FN1: variants seen among roughly 807,000 people sequenced by gnomAD.
FN1 encodes fibronectin 1, also known as fibronectin.
In FN1, 106 loss-of-function variants were observed where a neutral mutation model predicts 297.3. That is an observed-to-expected ratio of 0.36 (90% CI 0.30 to 0.42). The LOEUF (loss-of-function observed/expected upper bound fraction) is 0.42. Among genes scored for constraint, FN1 ranks in the 10% least tolerant of loss-of-function variants. The pLI, the probability that FN1 is intolerant of heterozygous loss-of-function variation, is 1.00. For missense variants in FN1, 2,690 were observed against 3,124.9 expected, an observed-to-expected ratio of 0.86 and a Z score of 3.32; for synonymous variants, 1,149 against 1,152.6, an observed-to-expected ratio of 1.00 and a Z score of 0.06.
At chr2:215,401,965 A>G (rs1383850056) in intron 20 of FN1, among the ~76,000 whole-genome samples, 1 of 151,758 alleles carries the variant, frequency 6.6e-6, no homozygotes, top group African/African-American at 2.4e-5. Flanking sequence ...CATGACTGGG[A>G]TGGGTGACCC....
chr2:215,398,176 T>C (rs892234350), intron 21 of FN1, among the ~76,000 whole-genome samples: 2 of 152,244 alleles, frequency 1.3e-5, no homozygotes, highest in Non-Finnish European at 2.9e-5. Flanking sequence ...TTCATTTCTA[T>C]TTTTCTGTGT....
intron 27 of FN1, among the ~76,000 whole-genome samples, chr2:215,387,208 T>G (rs1215086497): frequency 1.3e-5 from 2 of 152,180 alleles, no homozygotes; most frequent in Non-Finnish European, 2.9e-5. Flanking sequence ...TGCTAAGTAA[T>G]TCAAGCAGAT....
intron 12 of FN1, among the ~76,000 whole-genome samples, chr2:215,416,570 C>T (rs1373248188): frequency 6.6e-6 from 1 of 152,126 alleles, no homozygotes; most frequent in South Asian, 2.1e-4. Context: ...TGGCATAGGG[C>T]TATTTAAATA....
At position 215,384,101 on chromosome 2, in the gene FN1, A is replaced by C; in HGVS notation, c.4813T>G (p.Tyr1605Asp). The part of the protein sequence containing the change: ...TISGLKPGVD[Y>D]TITVYAVTGR... ...GTGACAGCATACACAGTGATGGTAT[A>C]ATCAACTCCAGGTTTAAGGCCGCTG... Residue 1605 changes from tyrosine (Y) to aspartate (D), a missense_variant, in exon 30 of 46, where the codon TAT becomes GAT. Tyr to Asp is a radical substitution (Grantham distance 160). Coordinates refer to ENST00000354785, the MANE Select transcript of FN1 (RefSeq NM_212482.4). 6.2e-7 allele frequency: 1 copy of C among 1,614,170 alleles called. No individual in the cohort carries two copies. Among genetic ancestry groups the C allele is most frequent in the Non-Finnish European group, 8.5e-7 (1 of 1,180,020 alleles).
chr2:215,407,372 G>A, intron 17 of FN1, 51 bp from the exon 18 acceptor site: 1 of 1,431,650 alleles, frequency 7.0e-7, no homozygotes, highest in Non-Finnish European at 9.9e-7. Flanking sequence ...TGAGACAGAG[G>A]CTTAGAAACA....
chr2:215,363,465 C>T (rs2053930422), intron 44 of FN1: 1 of 152,202 alleles, frequency 6.6e-6, no homozygotes, highest in African/African-American at 2.4e-5. Flanking sequence ...TTGGGAGCAC[C>T]TCCCTCCCCA....
At position 215,378,211 on chromosome 2, in the gene FN1, T is replaced by TGAC; in HGVS notation, c.5673_5674insGTC (p.Thr1891_Ser1892insVal). 6.2e-7 allele frequency: 1 copy of TGAC among 1,612,450 alleles called. No homozygotes were observed. ...GTGACAACTCCCTGAGCTGGTCTGC[T>TGAC]TGTCAAAGTGTCCTTAAGAGCATAG... On this transcript the variant is annotated inframe_insertion, in exon 35 of 46. Transcript: ENST00000354785.
chr2:215,375,250 G>A lies in FN1; in HGVS notation c.6121C>T (p.Arg2041Trp), dbSNP rs376754454. The A allele has an allele frequency of 4.7e-5, 76 of 1,614,004 alleles. No individual in the cohort carries two copies. Among genetic ancestry groups the A allele is most frequent in the Admixed American group, 6.7e-5 (4 of 59,994 alleles). Reference protein sequence around the residue: ...PGSPPREVVPRPRPGVTEATI... With the variant: ...PGSPPREVVPWPRPGVTEATI... ...GCCTCTGTGACACCAGGGCGGGGCC[G>A]AGGGACCACTTCTCTGGGAGGAGAC... is the stretch of plus-strand genomic sequence containing the variant. The change falls in exon 38 of 46, where the codon CGG (arginine) becomes TGG (tryptophan). Residue 2041 changes from arginine (R) to tryptophan (W), a missense_variant. Physicochemically the swap from Arg to Trp is moderately radical, Grantham distance 101 (BLOSUM62 -3). Coordinates refer to ENST00000354785, the MANE Select transcript of FN1 (RefSeq NM_212482.4).
intron 41 of FN1, among the ~76,000 whole-genome samples, chr2:215,369,212 C>CT (rs2055308944): frequency 1.8e-5 from 2 of 108,844 alleles, no homozygotes; most frequent in South Asian, 5.1e-4. Context: ...GAGATGGAAT[C>CT]TTTAAAAAAA....
In FN1 at chr2:215,408,049, C is replaced by A. The variant is rs1429077722; in HGVS notation, c.2518+59G>T. On this transcript the variant is annotated intron_variant, in intron 17 of 45. Transcript: ENST00000354785. ...CAGGTCCGCAGTCAGAATCTGCGCC[C>A]TCCCTGCTGATGTCATTAAGATTAA... 5 of 1,344,606 alleles carry A rather than the reference C, an allele frequency of 3.7e-6. No homozygotes were observed. The South Asian group carries it at 4.7e-5, about 13-fold the overall frequency. The allele number at this position is 1,344,606 out of a possible 1,614,324, so 83.3% of individuals were successfully genotyped here.
chr2:215,429,431 G>A (rs982497389), intron 5 of FN1, among the ~76,000 whole-genome samples: 5 of 152,154 alleles, frequency 3.3e-5, no homozygotes, highest in African/African-American at 1.2e-4. Flanking sequence ...TAGAGGATCT[G>A]ATGTCTTTGT....
At chr2:215,361,713 G>T in intron 45 of FN1, 87 bp from the exon 46 acceptor site, 1 of 1,089,424 alleles carries the variant, frequency 9.2e-7, no homozygotes, top group Non-Finnish European at 1.4e-6. Context: ...GGGGACTCAT[G>T]ACAGCTGCTT....
chr2:215,431,697 A>G, intron 4 of FN1, 136 bp downstream of exon 4: 1 of 923,264 alleles, frequency 1.1e-6, no homozygotes, highest in Non-Finnish European at 1.8e-6. Context: ...ATAATTCATT[A>G]TTTCAAACAA....
intron 20 of FN1, among the ~76,000 whole-genome samples, chr2:215,401,155 ATAAG>A (rs1434686458): frequency 8.5e-6 from 1 of 118,284 alleles, no homozygotes; most frequent in Non-Finnish European, 1.9e-5. Context: ...AGCACCAAAA[ATAAG>A]AAAGAAAGAA....
At chr2:215,428,710 G>C (rs1471188618) in intron 5 of FN1, among the ~76,000 whole-genome samples, 1 of 152,014 alleles carries the variant, frequency 6.6e-6, no homozygotes, top group African/African-American at 2.4e-5. Flanking sequence ...CTTTCAATAG[G>C]GACCTTGCTT....
At position 215,386,939 on chromosome 2, in the gene FN1, GC is replaced by G; in HGVS notation, c.4361del (p.Gly1454AlafsTer78). On this transcript the variant is annotated frameshift_variant, in exon 28 of 46. Transcript: ENST00000354785. LOFTEE classifies it high-confidence loss of function. The part of the protein sequence containing the change: ...RQKTGLDSPT[G>X]IDFSDITANS... ...TGGCAGTAATATCAGAAAAGTCAAT[GC>G]CAGTTGGGGAATCAAGACCTGTTTT... The G allele has an allele frequency of 6.2e-7, 1 of 1,612,092 alleles. No homozygotes were observed. The highest frequency in any genetic ancestry group is 8.5e-7 in the Non-Finnish European group (1 of 1,179,264).
chr2:215,402,926 C>CT (rs766808747), intron 20 of FN1, among the ~76,000 whole-genome samples: 1 of 152,128 alleles, frequency 6.6e-6, no homozygotes, highest in Non-Finnish European at 1.5e-5. Context: ...ATTAAAAATG[C>CT]TTTTTCTTTT....
At chr2:215,368,446 A>G (rs544471465) in intron 41 of FN1, among the ~76,000 whole-genome samples, 12 of 152,310 alleles carry the variant, frequency 7.9e-5, no homozygotes, top group Non-Finnish European at 1.8e-4. Context: ...CTGCAATACT[A>G]GCGTAATAAT....
At chr2:215,376,838 A>G (rs1171976051) in intron 35 of FN1, among the ~76,000 whole-genome samples, 164 bp from the exon 36 acceptor site, 2 of 152,186 alleles carry the variant, frequency 1.3e-5, no homozygotes, top group African/African-American at 4.8e-5. Context: ...AGAAAGGTCA[A>G]CTGTAATTAG....
Sources: allele counts gnomAD v4.1 joint callset (sites outside exome capture counted in the v4.1 genomes callset), GRCh38; gene constraint gnomAD v4.1.1; transcripts MANE v1.5; gene names NCBI Gene and HGNC (gene_info 2026-07-23, HGNC 2026-07-21).